Variants in MSH3 observed in about 807,000 individuals in gnomAD.
MSH3 encodes the protein mutS homolog 3.
MSH3 carries 106 observed loss-of-function variants against 123.3 expected under a neutral mutation model. The ratio of observed to expected loss-of-function variants is 0.86; its 90% CI spans 0.73 to 1.01. The LOEUF (loss-of-function observed/expected upper bound fraction) is 1.01, where lower values mean the gene tolerates loss of function less well. Among genes scored for constraint, MSH3 ranks in the 50% least tolerant of loss-of-function variants. MSH3 has a pLI of 0.00. For missense variants in MSH3, 1,459 were observed against 1,347.6 expected, an observed-to-expected ratio of 1.08 and a Z score of -1.29; for synonymous variants, 515 against 481.4, an observed-to-expected ratio of 1.07 and a Z score of -0.91.
At chr5:80,785,819 T>G (rs1744496338) in intron 17 of MSH3, among the ~76,000 whole-genome samples, 1 of 152,054 alleles carries the variant, frequency 6.6e-6, no homozygotes, top group South Asian at 2.1e-4. Context: ...CCATAAAAAA[T>G]GATGAGTTCA....
chr5:80,703,279 G>T (rs1750650126), intron 8 of MSH3, among the ~76,000 whole-genome samples: 1 of 152,146 alleles, frequency 6.6e-6, no homozygotes, highest in Non-Finnish European at 1.5e-5. Flanking sequence ...CTAAGTCAGG[G>T]TATCATTTAT....
At chr5:80,854,609 C>G (rs747065678) in intron 21 of MSH3, among the ~76,000 whole-genome samples, 1 of 152,100 alleles carries the variant, frequency 6.6e-6, no homozygotes, top group Non-Finnish European at 1.5e-5. Context: ...ATGGATGATA[C>G]ATATTATACA....
At chr5:80,691,791 T>TTGTC (rs1750260696) in intron 8 of MSH3, among the ~76,000 whole-genome samples, 1 of 121,252 alleles carries the variant, frequency 8.2e-6, no homozygotes, top group African/African-American at 3.0e-5. Context: ...GTTTATATAT[T>TTGTC]TATATAAATA....
chr5:80,719,231 A>G (rs1751027182), intron 8 of MSH3, among the ~76,000 whole-genome samples: 1 of 152,016 alleles, frequency 6.6e-6, no homozygotes, highest in Non-Finnish European at 1.5e-5. Context: ...TATTTTTAGT[A>G]GAGATGGGGT....
intron 20 of MSH3, among the ~76,000 whole-genome samples, chr5:80,832,186 T>C (rs773628433): frequency 6.6e-6 from 1 of 152,164 alleles, no homozygotes; most frequent in Admixed American, 6.5e-5. Flanking sequence ...ATTCCACTTA[T>C]ATGAGATGCC....
At chr5:80,668,021 G>C (rs2112810744) in intron 3 of MSH3, among the ~76,000 whole-genome samples, 1 of 152,290 alleles carries the variant, frequency 6.6e-6, no homozygotes, top group Admixed American at 6.5e-5. Flanking sequence ...AGGCAAAGAG[G>C]GGCTTCCTTG....
chr5:80,780,237 G>T (rs1328361882), intron 17 of MSH3, among the ~76,000 whole-genome samples: 4 of 152,150 alleles, frequency 2.6e-5, no homozygotes, highest in Non-Finnish European at 5.9e-5. Context: ...CTCCCACCAG[G>T]GCTGATGTCA....
intron 2 of MSH3, among the ~76,000 whole-genome samples, chr5:80,664,159 C>T (rs1749510767): frequency 6.6e-6 from 1 of 152,030 alleles, no homozygotes; most frequent in Non-Finnish European, 1.5e-5. Context: ...GTTAGAGGAA[C>T]ACAGAGAAAG....
intron 20 of MSH3, among the ~76,000 whole-genome samples, chr5:80,824,030 C>T (rs1193133512): frequency 6.6e-6 from 1 of 152,236 alleles, no homozygotes; most frequent in Admixed American, 6.5e-5. Flanking sequence ...CATAGATCAA[C>T]AGCATCCCAA....
chr5:80,835,157 G>A lies in MSH3; in HGVS notation c.2814-18973G>A, dbSNP rs1323260013. 2.0e-5 allele frequency among the ~76,000 whole-genome samples: 3 copies of A among 152,344 alleles called. No individual in the cohort carries two copies. In the East Asian group the frequency reaches 5.8e-4, roughly 29 times the overall value. On this transcript the variant is annotated intron_variant, in intron 20 of 23. Transcript: ENST00000265081. ...AAGAAATGACCAAATTCTATGTAGA[G>A]AGCTTGAGCAAGAAGAAAAAATGTA...
chr5:80,735,504 C>T (rs113843774), intron 10 of MSH3, among the ~76,000 whole-genome samples: 17,477 of 151,190 alleles, frequency 0.12, 1,083 homozygotes, highest in African/African-American at 0.17. Context: ...CTGGGTAACA[C>T]GATGAAACCC....
intron 9 of MSH3, among the ~76,000 whole-genome samples, chr5:80,727,024 C>T (rs147912478): frequency 2.0e-5 from 3 of 152,298 alleles, no homozygotes; most frequent in African/African-American, 4.8e-5. Flanking sequence ...TGAGCGTAAG[C>T]GCCACCCTGG....
rs542448674 is a variant in MSH3, at chr5:80,744,532, G to A, written c.1680G>A (p.Leu560=). 1.2e-6 allele frequency: 2 copies of A among 1,613,720 alleles called. No homozygotes were observed. The highest frequency in any genetic ancestry group is 1.1e-5 in the South Asian group (1 of 90,974). Residue 560 remains leucine, a synonymous_variant, in exon 12 of 24, where the codon TTG becomes TTA. Coordinates refer to ENST00000265081, the MANE Select transcript of MSH3 (RefSeq NM_002439.5). ...CTGATATGAAAACCAAAGGAAGTTT[G>A]CTGTGGGTTTTAGACCACACTAAAA... ...NQTDMKTKGS[L]LWVLDHTKTS... is the part of the protein sequence containing the mutation.
intron 13 of MSH3, among the ~76,000 whole-genome samples, chr5:80,763,365 T>C (rs1264398429): frequency 6.6e-6 from 1 of 152,166 alleles, no homozygotes; most frequent in African/African-American, 2.4e-5. Flanking sequence ...GAGAAAGATA[T>C]ATGAGTTGGT....
chr5:80,760,038 A>C (rs1272205958), intron 12 of MSH3, among the ~76,000 whole-genome samples: 1 of 152,192 alleles, frequency 6.6e-6, no homozygotes, highest in African/African-American at 2.4e-5. Context: ...GCACTCACTA[A>C]ATCGAAAGTC....
At chr5:80,733,981 C>A (rs953420604) in intron 10 of MSH3, among the ~76,000 whole-genome samples, 1 of 152,092 alleles carries the variant, frequency 6.6e-6, no homozygotes, top group African/African-American at 2.4e-5. Flanking sequence ...AATATGATGT[C>A]CACATAAAAA....
chr5:80,816,489 G>C (rs1745104550), intron 20 of MSH3, among the ~76,000 whole-genome samples: 1 of 152,204 alleles, frequency 6.6e-6, no homozygotes, highest in Non-Finnish European at 1.5e-5. Flanking sequence ...GTGAAGCATA[G>C]CCATGTCATT....
At chr5:80,830,366 G>A (rs1745396387) in intron 20 of MSH3, among the ~76,000 whole-genome samples, 3 of 152,130 alleles carry the variant, frequency 2.0e-5, no homozygotes, top group African/African-American at 7.2e-5. Context: ...AGGAGCCATT[G>A]TTTGCATTTT....
chr5:80,735,259 C>T (rs1253712284), intron 10 of MSH3, among the ~76,000 whole-genome samples: 3 of 151,790 alleles, frequency 2.0e-5, no homozygotes, highest in Non-Finnish European at 2.9e-5. Context: ...TGGCAGGTGC[C>T]TGTAATCCTA....
Sources: allele counts gnomAD v4.1 joint callset (sites outside exome capture counted in the v4.1 genomes callset), GRCh38; gene constraint gnomAD v4.1.1; transcripts MANE v1.5; gene names NCBI Gene and HGNC (gene_info 2026-07-23, HGNC 2026-07-21).